CDH8: variants seen among roughly 807,000 people sequenced by gnomAD.
The protein encoded by CDH8 is cadherin-8.
In CDH8, 17 loss-of-function variants were observed where a neutral mutation model predicts 68.1. The observed-to-expected ratio is 0.25, with a 90% CI of 0.17 to 0.37. The LOEUF is 0.37. Among genes scored for constraint, CDH8 ranks in the 10% least tolerant of loss-of-function variants. CDH8 has a pLI of 1.00. For missense variants in CDH8, 763 were observed against 999.3 expected, an observed-to-expected ratio of 0.76 and a Z score of 3.19; for synonymous variants, 372 against 365.1, an observed-to-expected ratio of 1.02 and a Z score of -0.21.
At chr16:61,746,330 C>T (rs1034607179) in intron 8 of CDH8, among the ~76,000 whole-genome samples, 1 of 151,960 alleles carries the variant, frequency 6.6e-6, no homozygotes, top group Non-Finnish European at 1.5e-5. Context: ...TCCATGTGGT[C>T]TCTATGCCCT....
chr16:61,956,618 T>C (rs1964993367), intron 2 of CDH8, among the ~76,000 whole-genome samples: 1 of 152,218 alleles, frequency 6.6e-6, no homozygotes, highest in Non-Finnish European at 1.5e-5. Context: ...CTGAACAGTA[T>C]TTTTATGATG....
At chr16:61,890,227 A>G (rs1388738601) in intron 3 of CDH8, among the ~76,000 whole-genome samples, 1 of 152,192 alleles carries the variant, frequency 6.6e-6, no homozygotes, top group African/African-American at 2.4e-5. Context: ...AGGATAATCA[A>G]ATCGAGTTTA....
Position 61,930,270 on chromosome 16 carries a change from A to AACACACACAC in CDH8, c.253-28807_253-28798dup, listed in dbSNP as rs369686237. Reference sequence around the variant, plus strand: ...TTGTTTAAATTAACTAAAGTTAGAAAACACACACACACACACACACACACA... The same window carrying AACACACACAC: ...TTGTTTAAATTAACTAAAGTTAGAAAACACACACACACACACACACACACACACACACACA... On this transcript the variant is annotated intron_variant, in intron 2 of 11. Transcript: ENST00000577390. Among the ~76,000 whole-genome samples the AACACACACAC allele has an allele frequency of 7.9e-3, 1,140 of 144,334 alleles. 9 individuals are homozygous for AACACACACAC. The highest frequency in any genetic ancestry group is 0.027 in the African/African-American group (1,071 of 39,380). The allele number at this position is 144,334 out of a possible 152,430, so 94.7% of individuals were successfully genotyped here. A position where few individuals can be genotyped will look rare whatever the true frequency, so the allele number is the denominator to read the frequency against.
chr16:62,014,192 CAT>C (rs1401152004), intron 2 of CDH8, among the ~76,000 whole-genome samples: 2 of 152,126 alleles, frequency 1.3e-5, no homozygotes, highest in Admixed American at 6.6e-5. Flanking sequence ...GTGAGCATGT[CAT>C]GTGTAGGTGA....
At chr16:61,966,329 A>T (rs1020850222) in intron 2 of CDH8, among the ~76,000 whole-genome samples, 2 of 44,644 alleles carry the variant, frequency 4.5e-5, no homozygotes, top group Non-Finnish European at 8.3e-5. Flanking sequence ...CACGATGTCA[A>T]GAGATCTAGA....
chr16:61,873,356 T>C (rs551857377), intron 3 of CDH8, among the ~76,000 whole-genome samples: 54 of 152,280 alleles, frequency 3.5e-4, no homozygotes, highest in African/African-American at 1.1e-3. Context: ...GTTTTCTAAA[T>C]TGTGGACGAC....
chr16:61,882,868 C>T (rs1338056264), intron 3 of CDH8, among the ~76,000 whole-genome samples: 2 of 152,138 alleles, frequency 1.3e-5, no homozygotes, highest in Non-Finnish European at 2.9e-5. Context: ...TGCACATGTA[C>T]CCCTGAACTT....
At chr16:61,706,064 C>T (rs1328927879) in intron 10 of CDH8, among the ~76,000 whole-genome samples, 1 of 152,010 alleles carries the variant, frequency 6.6e-6, no homozygotes, top group African/African-American at 2.4e-5. Flanking sequence ...AAAAAGATAC[C>T]ATCCATTATT....
chr16:61,830,539 A>C (rs1962432722), intron 4 of CDH8, among the ~76,000 whole-genome samples: 1 of 151,850 alleles, frequency 6.6e-6, no homozygotes, highest in Non-Finnish European at 1.5e-5. Flanking sequence ...TGATGGTGCT[A>C]CGTTAAATAA....
At chr16:61,665,358 G>A (rs899226439) in intron 10 of CDH8, among the ~76,000 whole-genome samples, 1 of 151,906 alleles carries the variant, frequency 6.6e-6, no homozygotes, top group African/African-American at 2.4e-5. Flanking sequence ...CCATAAAAAA[G>A]AATGAGTTCA....
chr16:61,758,894 C>G (rs564320774), intron 8 of CDH8, among the ~76,000 whole-genome samples: 1 of 152,164 alleles, frequency 6.6e-6, no homozygotes, highest in East Asian at 1.9e-4. Context: ...GGAGCTTAAT[C>G]CATTTATGCT....
chr16:61,806,518 A>G (rs1705098065), intron 7 of CDH8, among the ~76,000 whole-genome samples: 1 of 124,830 alleles, frequency 8.0e-6, no homozygotes, highest in African/African-American at 3.1e-5. Context: ...AGAAACTACC[A>G]TCAGAGTGAA....
intron 4 of CDH8, among the ~76,000 whole-genome samples, chr16:61,842,436 G>A (rs556294872): frequency 1.3e-5 from 2 of 152,144 alleles, no homozygotes; most frequent in East Asian, 1.9e-4. Context: ...TTTGCCAACT[G>A]ATGTCTTATG....
At chr16:61,950,677 T>G (rs546401792) in intron 2 of CDH8, among the ~76,000 whole-genome samples, 1 of 152,342 alleles carries the variant, frequency 6.6e-6, no homozygotes, top group East Asian at 1.9e-4. Flanking sequence ...ATTTATATTT[T>G]TATGTCATTA....
chr16:61,758,103 A>G (rs777452572), intron 8 of CDH8, among the ~76,000 whole-genome samples: 22 of 152,156 alleles, frequency 1.4e-4, no homozygotes, highest in Non-Finnish European at 2.2e-4. Context: ...GTGAAAGAGC[A>G]AAGGATTTGC....
chr16:61,690,714 G>A (rs1964203982), intron 10 of CDH8, among the ~76,000 whole-genome samples: 1 of 151,714 alleles, frequency 6.6e-6, no homozygotes. Flanking sequence ...CCATATGTTG[G>A]CTCCAAGAGC....
intron 2 of CDH8, among the ~76,000 whole-genome samples, chr16:61,960,594 T>C (rs1965137120): frequency 6.6e-6 from 1 of 152,144 alleles, no homozygotes; most frequent in Non-Finnish European, 1.5e-5. Flanking sequence ...AAAAAGACTC[T>C]TGATGTTGAA....
At chr16:61,784,186 A>G (rs1318777691) in intron 8 of CDH8, among the ~76,000 whole-genome samples, 6 of 152,024 alleles carry the variant, frequency 3.9e-5, no homozygotes, top group Non-Finnish European at 7.4e-5. Flanking sequence ...TGTATTCAGG[A>G]AACCCATCTC....
At chr16:61,783,992 G>A (rs927677653) in intron 8 of CDH8, among the ~76,000 whole-genome samples, 3 of 152,154 alleles carry the variant, frequency 2.0e-5, no homozygotes, top group South Asian at 2.1e-4. Context: ...ATGCCAAAAT[G>A]TAAAGACCAT....
Sources: allele counts gnomAD v4.1 joint callset (sites outside exome capture counted in the v4.1 genomes callset), GRCh38; gene constraint gnomAD v4.1.1; transcripts MANE v1.5; gene names NCBI Gene and HGNC (gene_info 2026-07-23, HGNC 2026-07-21).